Variants in RTN4IP1 observed in about 807,000 individuals in gnomAD.
The protein encoded by RTN4IP1 is reticulon 4 interacting protein 1.
Under a neutral mutation model 46.6 loss-of-function variants are expected in RTN4IP1, and 32 were observed. The observed-to-expected ratio is 0.69, with a 90% CI of 0.52 to 0.92. RTN4IP1 has a LOEUF of 0.92. Among genes scored for constraint, RTN4IP1 ranks in the 40% least tolerant of loss-of-function variants. RTN4IP1 has a pLI of 0.00. For missense variants in RTN4IP1, 424 were observed against 485.8 expected (o/e 0.87, Z 1.20); for synonymous variants, 167 against 161.8 (o/e 1.03, Z -0.24).
chr6:106,599,835 CCT>C lies in RTN4IP1; in HGVS notation c.669+3037_669+3038del, dbSNP rs1491341846. Among the ~76,000 whole-genome samples the C allele has an allele frequency of 1.3e-4, 19 of 148,252 alleles. No individual in the cohort carries two copies. In the East Asian group the frequency reaches 2.2e-3, roughly 17 times the overall value. On this transcript the variant is annotated intron_variant, in intron 5 of 8. Transcript: ENST00000369063. ...CCTAAAATAGGAATTCTTGTGCTGT[CCT>C]TTTTTTTTTTTTTAGAAATTTTACA...
At chr6:106,590,809 C>T (rs994419456) in intron 6 of RTN4IP1, among the ~76,000 whole-genome samples, 1 of 149,800 alleles carries the variant, frequency 6.7e-6, no homozygotes, top group African/African-American at 2.4e-5. Context: ...ACTCTCAAGG[C>T]GCCCAAAGAG....
intron 8 of RTN4IP1, among the ~76,000 whole-genome samples, chr6:106,574,908 A>T (rs1465128402): frequency 6.6e-6 from 1 of 152,208 alleles, no homozygotes; most frequent in Non-Finnish European, 1.5e-5. Context: ...TATTGTGGCA[A>T]ATAACCCGAG....
intron 1 of RTN4IP1, among the ~76,000 whole-genome samples, chr6:106,625,767 G>A (rs185941763): frequency 7.9e-4 from 118 of 149,292 alleles, no homozygotes; most frequent in Non-Finnish European, 3.4e-4. Flanking sequence ...GGGTTCAAGC[G>A]ATTCTGCTGT....
chr6:106,622,866 C>T lies in RTN4IP1; in HGVS notation c.378G>A (p.Val126=). 1.2e-6 allele frequency: 2 copies of T among 1,614,110 alleles called. No individual in the cohort carries two copies. The highest frequency in any genetic ancestry group is 1.1e-5 in the South Asian group (1 of 91,074). Residue 126 remains valine, a synonymous_variant, in exon 2 of 9, where the codon GTG becomes GTA. Coordinates refer to ENST00000369063, the MANE Select transcript of RTN4IP1 (RefSeq NM_032730.5). ...TCACATCAAGCCCACATTCCATCAC[C>T]ACGCCAGAGACATCCCGACCCAGAG... ...PLTLGRDVSG[V]VMECGLDVKY...
upstream of RTN4IP1, among the ~76,000 whole-genome samples, chr6:106,630,491 T>C (rs969281235): frequency 5.9e-5 from 9 of 152,266 alleles, no homozygotes; most frequent in Admixed American, 2.6e-4. Context: ...GGCTGGAATC[T>C]GCCCTCTTAC....
intron 5 of RTN4IP1, among the ~76,000 whole-genome samples, chr6:106,595,037 C>T (rs1182033123): frequency 6.6e-6 from 1 of 152,064 alleles, no homozygotes; most frequent in Admixed American, 6.6e-5. Flanking sequence ...CCTGAGCTCA[C>T]GTGATCCACC....
chr6:106,578,155 T>G (rs768492690), intron 8 of RTN4IP1, among the ~76,000 whole-genome samples: 2 of 152,180 alleles, frequency 1.3e-5, no homozygotes, highest in Non-Finnish European at 2.9e-5. Flanking sequence ...AAATACAAGA[T>G]GACAGAGTAA....
rs1219209183 is a variant in RTN4IP1, at chr6:106,591,156, CTCCCTATCTA to C, written c.806+998_806+1007del. On this transcript the variant is annotated intron_variant, in intron 6 of 8. Coordinates refer to ENST00000369063, the MANE Select transcript of RTN4IP1 (RefSeq NM_032730.5). ...TAACCTTGCTATTTATAACAGCCTC[CTCCCTATCTA>C]TTCCCTTTCATTTTTTTTCAGAGCA... is the stretch of plus-strand genomic sequence containing the variant. Among the ~76,000 whole-genome samples, 4 of 152,286 alleles carry C rather than the reference CTCCCTATCTA, an allele frequency of 2.6e-5. No homozygotes were observed. The East Asian group carries it at 7.7e-4, about 29-fold the overall frequency.
chr6:106,596,374 G>A (rs929481339), intron 5 of RTN4IP1, among the ~76,000 whole-genome samples: 1 of 152,172 alleles, frequency 6.6e-6, no homozygotes, highest in Non-Finnish European at 1.5e-5. Context: ...CTTGAGGCCA[G>A]GAATTTGAGA....
chr6:106,605,707 C>T (rs1470779330), intron 4 of RTN4IP1, among the ~76,000 whole-genome samples: 5 of 150,110 alleles, frequency 3.3e-5, no homozygotes, highest in Non-Finnish European at 5.9e-5. Context: ...GTCCCAGCTA[C>T]TCGGGAGGCT....
At chr6:106,619,006 G>C (rs6906495) in intron 4 of RTN4IP1, among the ~76,000 whole-genome samples, 196 bp downstream of exon 4, 1 of 152,106 alleles carries the variant, frequency 6.6e-6, no homozygotes, top group South Asian at 2.1e-4. Context: ...AAGTGATTGG[G>C]CTGAGAATCC....
intron 8 of RTN4IP1, 60 bp from the exon 9 acceptor site, chr6:106,572,163 A>G (rs1775083826): frequency 7.7e-7 from 1 of 1,304,832 alleles, no homozygotes; most frequent in South Asian, 1.2e-5. Context: ...AAGGCAGATG[A>G]CATTGCTAAT....
chr6:106,580,417 C>G (rs535656713), intron 8 of RTN4IP1, among the ~76,000 whole-genome samples: 1 of 152,020 alleles, frequency 6.6e-6, no homozygotes, highest in East Asian at 1.9e-4. Flanking sequence ...CAAAAGCTGT[C>G]TATTTTAATA....
intron 8 of RTN4IP1, among the ~76,000 whole-genome samples, chr6:106,579,622 T>G (rs17052215): frequency 0.24 from 36,607 of 151,900 alleles, 4,827 homozygotes; most frequent in East Asian, 0.33. Flanking sequence ...GGTAGGGTTG[T>G]TGTTCATAAA....
chr6:106,587,698 A>G lies in RTN4IP1; in HGVS notation c.971T>C (p.Val324Ala), dbSNP rs1775519543. The G allele has an allele frequency of 3.1e-6, 5 of 1,612,604 alleles. No homozygotes were observed. The highest frequency in any genetic ancestry group is 1.9e-4 in the Middle Eastern group (1 of 5,130). ...TCCTACCTTTAATGCCTTTGAACCT[A>G]CAGTGACTCCTGTCTGCAACATGCC... Reference protein sequence around the residue: ...ADGMLQTGVTVGSKALKHFWK... With the variant: ...ADGMLQTGVTAGSKALKHFWK... Residue 324 changes from valine to alanine, a missense_variant, in exon 7 of 9, where the codon GTA becomes GCA. Coordinates refer to ENST00000369063, the MANE Select transcript of RTN4IP1 (RefSeq NM_032730.5).
intron 7 of RTN4IP1, chr6:106,583,753 G>A (rs754674183): frequency 3.7e-6 from 1 of 269,634 alleles, no homozygotes; most frequent in Non-Finnish European, 7.3e-6. Context: ...ATGAGGAATC[G>A]GGCTGAGACC....
intron 1 of RTN4IP1, among the ~76,000 whole-genome samples, chr6:106,625,649 TTTC>T (rs1028054357): frequency 9.8e-5 from 14 of 143,106 alleles, no homozygotes; most frequent in Non-Finnish European, 1.6e-4. Context: ...GAGTGGCTTT[TTTC>T]TTTTTTTTCT....
intron 5 of RTN4IP1, among the ~76,000 whole-genome samples, chr6:106,597,292 A>G (rs763920893): frequency 3.9e-5 from 6 of 152,162 alleles, no homozygotes; most frequent in African/African-American, 1.4e-4. Flanking sequence ...TAGTATCCAT[A>G]TATCAATTTT....
At chr6:106,624,290 G>A (rs1476988906) in intron 1 of RTN4IP1, among the ~76,000 whole-genome samples, 1 of 152,030 alleles carries the variant, frequency 6.6e-6, no homozygotes, top group Non-Finnish European at 1.5e-5. Context: ...TCCCTACCTC[G>A]TGATCCGCCC....
Sources: allele counts gnomAD v4.1 joint callset (sites outside exome capture counted in the v4.1 genomes callset), GRCh38; gene constraint gnomAD v4.1.1; transcripts MANE v1.5; gene names NCBI Gene and HGNC (gene_info 2026-07-23, HGNC 2026-07-21).